Variants in INVS observed in about 807,000 individuals in gnomAD.
The protein encoded by INVS is inversion of embryo turning homolog.
INVS carries 86 observed loss-of-function variants against 108.8 expected under a neutral mutation model. The ratio of observed to expected loss-of-function variants is 0.79; its 90% CI spans 0.66 to 0.95. INVS has a LOEUF of 0.95. Ranked by LOEUF, INVS falls within the 40% of genes least tolerant of loss-of-function variation. The pLI is 0.00. For missense variants in INVS, 1,169 were observed against 1,297.4 expected (o/e 0.90, Z 1.52); for synonymous variants, 455 against 473.5 (o/e 0.96, Z 0.51).
chr9:100,224,740 C>T (rs781413498), intron 3 of INVS, among the ~76,000 whole-genome samples: 3 of 151,976 alleles, frequency 2.0e-5, no homozygotes, highest in African/African-American at 4.8e-5. Flanking sequence ...CTCAGCCTCC[C>T]GAGTAACTGG....
At chr9:100,103,825 A>G (rs1400476569) in intron 1 of INVS, among the ~76,000 whole-genome samples, 1 of 152,060 alleles carries the variant, frequency 6.6e-6, no homozygotes, top group Non-Finnish European at 1.5e-5. Context: ...TGCTGGGATT[A>G]CAGGCATGAG....
intron 2 of INVS, 50 bp from the exon 3 acceptor site, chr9:100,126,333 A>G (rs369706359): frequency 1.4e-4 from 196 of 1,399,700 alleles, no homozygotes; most frequent in Non-Finnish European, 1.9e-4. Flanking sequence ...TCCTACTTAT[A>G]TTAGTAATAA....
intron 11 of INVS, among the ~76,000 whole-genome samples, chr9:100,270,202 G>GT (rs1444412416): frequency 1.3e-5 from 2 of 152,120 alleles, no homozygotes; most frequent in Non-Finnish European, 2.9e-5. Context: ...AAAGGAAATT[G>GT]TATCTCCCAG....
At chr9:100,140,987 T>G (rs1490801021) in intron 3 of INVS, among the ~76,000 whole-genome samples, 1 of 152,164 alleles carries the variant, frequency 6.6e-6, no homozygotes, top group Non-Finnish European at 1.5e-5. Flanking sequence ...GCAAAGATTA[T>G]TTATTTACTT....
At chr9:100,130,049 A>G (rs1828010885) in intron 3 of INVS, 1 of 233,704 alleles carries the variant, frequency 4.3e-6, no homozygotes, top group East Asian at 8.1e-5. Flanking sequence ...TAGACAGCTG[A>G]GTAGAGATTA....
intron 5 of INVS, 124 bp downstream of exon 5, chr9:100,229,951 C>A: frequency 1.2e-6 from 1 of 845,758 alleles, no homozygotes; most frequent in Non-Finnish European, 1.9e-6. Flanking sequence ...ATACAACAGA[C>A]ATATGGACTC....
At chr9:100,280,475 T>C (rs1394111095) in intron 12 of INVS, among the ~76,000 whole-genome samples, 3 of 152,148 alleles carry the variant, frequency 2.0e-5, no homozygotes, top group African/African-American at 7.2e-5. Flanking sequence ...ATCTAGCCAA[T>C]TTCTCTTCAC....
chr9:100,162,887 T>C lies in INVS; in HGVS notation c.273+36338T>C, dbSNP rs150883863. On this transcript the variant is annotated intron_variant, in intron 3 of 16. Coordinates refer to ENST00000262457, the MANE Select transcript of INVS (RefSeq NM_014425.5). The stretch of plus-strand genomic sequence containing the variant: ...GACCCAGCCTTCTCTGAAGGACATA[T>C]CTACTTAAAAGGAGACCAACCAATA... Among the ~76,000 whole-genome samples, 452 of 151,626 alleles carry C rather than the reference T, an allele frequency of 3.0e-3. 1 individual carries two copies. The highest frequency in any genetic ancestry group is 6.8e-3 in the Middle Eastern group (2 of 294).
intron 6 of INVS, 50 bp downstream of exon 6, chr9:100,240,290 A>C: frequency 7.1e-7 from 1 of 1,404,678 alleles, no homozygotes; most frequent in Middle Eastern, 2.0e-4. Flanking sequence ...GAGTATAGGA[A>C]TATTTCTGTG....
intron 3 of INVS, among the ~76,000 whole-genome samples, chr9:100,196,368 T>G (rs868509472): frequency 6.6e-6 from 1 of 152,234 alleles, no homozygotes; most frequent in South Asian, 2.1e-4. Flanking sequence ...TGGGAGTTTC[T>G]GATAAACAAC....
In INVS at chr9:100,252,433, T is replaced by C. The variant is rs1232020567; in HGVS notation, c.1229T>C (p.Ile410Thr). Residue 410 changes from isoleucine (I) to threonine (T), a missense_variant, in exon 9 of 17, where the codon ATT becomes ACT. Ile to Thr is a moderately conservative substitution (Grantham distance 89). This residue lies in a region of INVS where 271 missense variants were observed against 363.8 expected (regional missense o/e 0.74). Transcript: ENST00000262457. ...MGHKDVIQTL[I>T]KGGARVDLVD... is the part of the protein sequence containing the mutation. ...CACAAAGATGTGATTCAGACACTCA[T>C]TAAAGGTGGGCTAATAAGAGTACTC... 2.5e-6 allele frequency: 4 copies of C among 1,613,700 alleles called. No individual in the cohort carries two copies. The South Asian group carries it at 4.4e-5, about 18-fold the overall frequency.
intron 6 of INVS, among the ~76,000 whole-genome samples, chr9:100,241,543 G>T (rs2118500697): frequency 6.6e-6 from 1 of 152,170 alleles, no homozygotes; most frequent in South Asian, 2.1e-4. Flanking sequence ...TCCTTCTCTA[G>T]ATCATTTTCA....
chr9:100,100,713 AT>A (rs1826845737), intron 1 of INVS, among the ~76,000 whole-genome samples: 1 of 44,204 alleles, frequency 2.3e-5, no homozygotes, highest in African/African-American at 9.1e-5. Context: ...TATAATATAT[AT>A]ATTATATGTA....
At chr9:100,240,817 A>C (rs988609185) in intron 6 of INVS, among the ~76,000 whole-genome samples, 1 of 151,810 alleles carries the variant, frequency 6.6e-6, no homozygotes, top group Non-Finnish European at 1.5e-5. Context: ...TTCTATTCTT[A>C]GTGTTTTCAG....
chr9:100,296,141 C>G (rs1337014824), intron 14 of INVS, among the ~76,000 whole-genome samples: 1 of 152,138 alleles, frequency 6.6e-6, no homozygotes. Flanking sequence ...AGACATGAAG[C>G]CTGTTGCTCT....
intron 1 of INVS, among the ~76,000 whole-genome samples, chr9:100,103,260 A>C (rs1167229746): frequency 6.6e-6 from 1 of 152,194 alleles, no homozygotes; most frequent in East Asian, 1.9e-4. Flanking sequence ...CTCAGGTTCA[A>C]GTGAAACTTC....
At chr9:100,298,571 G>A (rs1284585316) in intron 16 of INVS, among the ~76,000 whole-genome samples, 2 of 152,086 alleles carry the variant, frequency 1.3e-5, no homozygotes, top group Non-Finnish European at 1.5e-5. Flanking sequence ...AGCAGCTAAT[G>A]CCAGGTCCAG....
At chr9:100,229,008 T>C (rs1831426529) in intron 4 of INVS, among the ~76,000 whole-genome samples, 1 of 152,232 alleles carries the variant, frequency 6.6e-6, no homozygotes, top group Non-Finnish European at 1.5e-5. Flanking sequence ...TATCAGGCAC[T>C]ATGGCCATAA....
chr9:100,200,867 T>C (rs1427782977), intron 3 of INVS, among the ~76,000 whole-genome samples: 1 of 152,236 alleles, frequency 6.6e-6, no homozygotes, highest in Non-Finnish European at 1.5e-5. Context: ...ATCTAATGTC[T>C]AACCAACTGA....
Sources: allele counts gnomAD v4.1 joint callset (sites outside exome capture counted in the v4.1 genomes callset), GRCh38; gene constraint gnomAD v4.1.1; regional missense constraint gnomAD v4.1.1; transcripts MANE v1.5; gene names NCBI Gene and HGNC (gene_info 2026-07-23, HGNC 2026-07-21).